Variants in ERBB4 observed in about 807,000 individuals in gnomAD.
ERBB4 encodes the protein erb-b2 receptor tyrosine kinase 4, also known as receptor tyrosine-protein kinase erbB-4.
ERBB4 carries 42 observed loss-of-function variants against 158.0 expected under a neutral mutation model. The ratio of observed to expected loss-of-function variants is 0.27; its 90% CI spans 0.21 to 0.34. The LOEUF (loss-of-function observed/expected upper bound fraction) is 0.34. Among genes scored for constraint, ERBB4 ranks in the 10% least tolerant of loss-of-function variants. The pLI is 1.00. For missense variants in ERBB4, 1,333 were observed against 1,624.1 expected (o/e 0.82, Z 3.08); for synonymous variants, 583 against 558.7 (o/e 1.04, Z -0.61).
intron 1 of ERBB4, among the ~76,000 whole-genome samples, chr2:212,379,375 A>G (rs1366680473): frequency 6.6e-6 from 1 of 151,706 alleles, no homozygotes; most frequent in Non-Finnish European, 1.5e-5. Context: ...TGAAGTTTAG[A>G]ACAGCTCCTT....
chr2:211,962,049 G>A (rs1014515512), intron 2 of ERBB4, among the ~76,000 whole-genome samples: 1 of 152,168 alleles, frequency 6.6e-6, no homozygotes, highest in Non-Finnish European at 1.5e-5. Context: ...TTTCTGGGGT[G>A]GGTAGCAAAG....
At chr2:212,001,431 GAAT>G (rs1478678687) in intron 2 of ERBB4, among the ~76,000 whole-genome samples, 2 of 152,092 alleles carry the variant, frequency 1.3e-5, no homozygotes, top group South Asian at 2.1e-4. Context: ...TGCTCCAGGA[GAAT>G]AATATTTATT....
At chr2:211,987,341 A>AAAAAAAAGG (rs1215048952) in intron 2 of ERBB4, among the ~76,000 whole-genome samples, 1 of 124,416 alleles carries the variant, frequency 8.0e-6, no homozygotes, top group Non-Finnish European at 1.6e-5. Flanking sequence ...AAAAAAAAAA[A>AAAAAAAAGG]AAAGAAAGAA....
chr2:211,414,500 T>TAAAAAAA (rs71047174), intron 25 of ERBB4, among the ~76,000 whole-genome samples: 2 of 102,108 alleles, frequency 2.0e-5, no homozygotes, highest in Admixed American at 1.0e-4. Context: ...CAGTCTCAAT[T>TAAAAAAA]AAAAAAAAAA....
At chr2:211,534,310 G>A (rs2066585344) in intron 20 of ERBB4, among the ~76,000 whole-genome samples, 1 of 152,018 alleles carries the variant, frequency 6.6e-6, no homozygotes, top group Non-Finnish European at 1.5e-5. Context: ...TGGGTGTTCT[G>A]CGTGCTAGTA....
intron 3 of ERBB4, among the ~76,000 whole-genome samples, chr2:211,805,300 T>G (rs1487350676): frequency 6.6e-6 from 1 of 152,046 alleles, no homozygotes. Flanking sequence ...AATCCTTTTT[T>G]GTTTTCTTTG....
At chr2:211,760,298 C>A (rs1045251782) in intron 4 of ERBB4, among the ~76,000 whole-genome samples, 3 of 152,160 alleles carry the variant, frequency 2.0e-5, no homozygotes, top group Non-Finnish European at 4.4e-5. Flanking sequence ...CGTCCTAGCT[C>A]CAGGAGTGTG....
At chr2:211,426,840 A>G (rs768725578) in intron 22 of ERBB4, among the ~76,000 whole-genome samples, 1 of 151,440 alleles carries the variant, frequency 6.6e-6, no homozygotes, top group Non-Finnish European at 1.5e-5. Context: ...CATAATATAT[A>G]TTCTATAAAC....
chr2:212,337,058 T>C (rs759491837), intron 1 of ERBB4, among the ~76,000 whole-genome samples: 2 of 152,128 alleles, frequency 1.3e-5, no homozygotes, highest in Non-Finnish European at 2.9e-5. Flanking sequence ...TATTGCCTAA[T>C]ATCCAGCATA....
chr2:212,346,594 A>G (rs914291912), intron 1 of ERBB4, among the ~76,000 whole-genome samples: 1 of 140,808 alleles, frequency 7.1e-6, no homozygotes, highest in African/African-American at 2.6e-5. Flanking sequence ...TTTTCCTGAA[A>G]CAATGATTCA....
intron 2 of ERBB4, among the ~76,000 whole-genome samples, chr2:212,057,846 C>T (rs1403732421): frequency 4.6e-5 from 7 of 152,158 alleles, no homozygotes; most frequent in African/African-American, 9.7e-5. Context: ...CTAAAATTGA[C>T]ACCCTAACAT....
At chr2:212,538,406 G>C in intron 1 of ERBB4, 43 bp downstream of exon 1, 9 of 1,561,310 alleles carry the variant, frequency 5.8e-6, no homozygotes, top group Non-Finnish European at 7.9e-6. Flanking sequence ...CAGCCCCGCC[G>C]GCGGCTGCAG....
intron 2 of ERBB4, among the ~76,000 whole-genome samples, chr2:212,076,653 T>TCA (rs1311904838): frequency 6.6e-6 from 1 of 151,864 alleles, no homozygotes; most frequent in East Asian, 1.9e-4. Context: ...GTATGCTAGT[T>TCA]CACAGTTGGC....
intron 1 of ERBB4, among the ~76,000 whole-genome samples, chr2:212,469,867 T>G (rs985501101): frequency 6.6e-6 from 1 of 152,156 alleles, no homozygotes. Context: ...CCTATTCCTG[T>G]TTCTAAAATA....
chr2:211,626,419 C>G (rs1309070183), intron 17 of ERBB4, among the ~76,000 whole-genome samples: 1 of 152,108 alleles, frequency 6.6e-6, no homozygotes, highest in African/African-American at 2.4e-5. Context: ...CAAGATTCAA[C>G]AAATGTTCAC....
At chr2:211,983,979 A>G (rs1405168339) in intron 2 of ERBB4, among the ~76,000 whole-genome samples, 1 of 152,228 alleles carries the variant, frequency 6.6e-6, no homozygotes, top group Non-Finnish European at 1.5e-5. Flanking sequence ...TATAACAATT[A>G]TCTTAGAATG....
chr2:212,335,277 A>G (rs963544642), intron 1 of ERBB4, among the ~76,000 whole-genome samples: 10 of 151,928 alleles, frequency 6.6e-5, no homozygotes, highest in African/African-American at 2.2e-4. Context: ...ATATTATATA[A>G]TACATAAGAT....
At chr2:211,705,249 G>T in intron 10 of ERBB4, 69 bp downstream of exon 10, 1 of 1,110,478 alleles carries the variant, frequency 9.0e-7, no homozygotes, top group Non-Finnish European at 1.4e-6. Flanking sequence ...ACGATGCCCA[G>T]TCAATCTTGT....
intron 2 of ERBB4, among the ~76,000 whole-genome samples, chr2:212,117,648 T>A (rs887349914): frequency 1.1e-4 from 17 of 152,202 alleles, no homozygotes; most frequent in African/African-American, 3.4e-4. Context: ...AATGTGTGCA[T>A]AACTGAAATA....
Sources: gnomAD v4.1 joint callset for allele counts (sites outside exome capture counted in the v4.1 genomes callset) on GRCh38, gnomAD v4.1.1 for gene constraint, MANE v1.5 for transcripts, NCBI Gene and HGNC (gene_info 2026-07-23, HGNC 2026-07-21) for gene names.